ADGRB3: variants seen among roughly 807,000 people sequenced by gnomAD.
ADGRB3 encodes brain-specific angiogenesis inhibitor 3.
ADGRB3 carries 37 observed loss-of-function variants against 193.4 expected under a neutral mutation model. That is an observed-to-expected ratio of 0.19 (90% CI 0.15 to 0.25). The LOEUF (loss-of-function observed/expected upper bound fraction) is 0.25, where lower values mean the gene tolerates loss of function less well. Ranked by LOEUF, ADGRB3 falls within the 10% of genes least tolerant of loss-of-function variation. The probability of loss-of-function intolerance (pLI) is 1.00; values close to 1 mark genes in which losing one functional copy is unlikely to be tolerated. For missense variants in ADGRB3, 1,637 were observed against 1,852.9 expected, an observed-to-expected ratio of 0.88 and a Z score of 2.14; for synonymous variants, 690 against 644.2, an observed-to-expected ratio of 1.07 and a Z score of -1.08.
chr6:68,758,041 T>C (rs566000938), intron 3 of ADGRB3, among the ~76,000 whole-genome samples: 15 of 152,158 alleles, frequency 9.9e-5, no homozygotes, highest in African/African-American at 3.4e-4. Context: ...ATATATCAGC[T>C]AGGAAGCCTT....
chr6:69,311,786 T>G lies in ADGRB3; in HGVS notation c.2815-13086T>G, dbSNP rs528816682. Among the ~76,000 whole-genome samples, 4 of 151,880 alleles carry G rather than the reference T, an allele frequency of 2.6e-5. No individual in the cohort carries two copies. In the East Asian group the frequency reaches 7.8e-4, roughly 30 times the overall value. On this transcript the variant is annotated intron_variant, in intron 20 of 31. Transcript: ENST00000370598. ...TTAGATTTCATTTCCATACGACATC[T>G]CCAAAACTTGATGCAATCAATTGTC...
At chr6:68,883,613 A>G (rs1354332914) in intron 3 of ADGRB3, among the ~76,000 whole-genome samples, 1 of 152,174 alleles carries the variant, frequency 6.6e-6, no homozygotes, top group African/African-American at 2.4e-5. Flanking sequence ...AGGAATGAAC[A>G]ACTCCAGAGG....
intron 17 of ADGRB3, among the ~76,000 whole-genome samples, chr6:69,203,527 G>A (rs1765477730): frequency 6.6e-6 from 1 of 151,454 alleles, no homozygotes; most frequent in Non-Finnish European, 1.5e-5. Context: ...TTGGTAAGAA[G>A]TCATATCATT....
At chr6:69,184,025 T>C (rs951831449) in intron 17 of ADGRB3, among the ~76,000 whole-genome samples, 1 of 152,142 alleles carries the variant, frequency 6.6e-6, no homozygotes, top group Non-Finnish European at 1.5e-5. Flanking sequence ...CATGTTAGGA[T>C]ATGTAAACAA....
chr6:69,234,989 T>C (rs373730434), intron 18 of ADGRB3, 43 bp from the exon 19 acceptor site: 1 of 1,496,486 alleles, frequency 6.7e-7, no homozygotes, highest in Non-Finnish European at 9.3e-7. Context: ...TTTTAATTTA[T>C]TAAAAACCAA....
At chr6:69,223,464 A>G (rs1320148110) in intron 17 of ADGRB3, among the ~76,000 whole-genome samples, 1 of 152,048 alleles carries the variant, frequency 6.6e-6, no homozygotes, top group Non-Finnish European at 1.5e-5. Flanking sequence ...ATGTGCTCAG[A>G]TTTTTAACTT....
chr6:68,923,587 T>C (rs962351382), intron 3 of ADGRB3, among the ~76,000 whole-genome samples: 1 of 152,144 alleles, frequency 6.6e-6, no homozygotes, highest in Admixed American at 6.5e-5. Context: ...TTTTATGGAA[T>C]ATTTTAAGTT....
intron 21 of ADGRB3, among the ~76,000 whole-genome samples, chr6:69,325,257 T>C (rs1768542671): frequency 6.6e-6 from 1 of 151,430 alleles, no homozygotes; most frequent in African/African-American, 2.4e-5. Context: ...GTCTAGATAG[T>C]ATGAAATGAG....
chr6:69,331,967 C>T, intron 23 of ADGRB3: 3 of 985,242 alleles, frequency 3.0e-6, no homozygotes, highest in Non-Finnish European at 3.6e-6. Flanking sequence ...GTATGTTTTG[C>T]ATCTTCCTTA....
chr6:69,342,982 T>A (rs1242005009), intron 26 of ADGRB3, among the ~76,000 whole-genome samples: 1 of 151,830 alleles, frequency 6.6e-6, no homozygotes, highest in Non-Finnish European at 1.5e-5. Flanking sequence ...ACTGTCCCAA[T>A]ATGAATTCAG....
chr6:69,387,799 A>G (rs1264677353), intron 31 of ADGRB3, among the ~76,000 whole-genome samples: 2 of 152,082 alleles, frequency 1.3e-5, no homozygotes, highest in Non-Finnish European at 2.9e-5. Context: ...TAATTCAAGT[A>G]CCTATTTTCT....
intron 3 of ADGRB3, among the ~76,000 whole-genome samples, chr6:68,695,842 A>G (rs1346751633): frequency 6.6e-6 from 1 of 151,828 alleles, no homozygotes; most frequent in South Asian, 2.1e-4. Context: ...GTCATTTTTC[A>G]GTGCTTTTGA....
intron 3 of ADGRB3, among the ~76,000 whole-genome samples, chr6:68,660,800 A>G (rs1472324822): frequency 2.6e-5 from 4 of 151,132 alleles, no homozygotes; most frequent in Non-Finnish European, 5.9e-5. Flanking sequence ...GAGTTTTGCC[A>G]TAAGTTTCTT....
At chr6:69,111,055 T>C (rs1773353507) in intron 17 of ADGRB3, among the ~76,000 whole-genome samples, 1 of 152,240 alleles carries the variant, frequency 6.6e-6, no homozygotes, top group Admixed American at 6.5e-5. Context: ...TTAGTTTTTA[T>C]CAACAAATAG....
chr6:68,840,925 C>T (rs1446702437), intron 3 of ADGRB3, among the ~76,000 whole-genome samples: 2 of 151,956 alleles, frequency 1.3e-5, no homozygotes, highest in African/African-American at 4.8e-5. Flanking sequence ...TTCATGCCAA[C>T]GGAAACCAAA....
intron 17 of ADGRB3, among the ~76,000 whole-genome samples, chr6:69,137,109 A>G (rs559463922): frequency 7.0e-6 from 1 of 142,240 alleles, no homozygotes; most frequent in African/African-American, 2.6e-5. Flanking sequence ...TCAAATGTGA[A>G]ATTAAAATAG....
intron 3 of ADGRB3, among the ~76,000 whole-genome samples, chr6:68,771,724 A>C (rs926414094): frequency 9.9e-5 from 15 of 152,108 alleles, no homozygotes; most frequent in African/African-American, 3.6e-4. Context: ...ATATAGCAGC[A>C]TTAAGGAGAA....
intron 3 of ADGRB3, among the ~76,000 whole-genome samples, chr6:68,708,712 G>T (rs1765364502): frequency 6.6e-6 from 1 of 152,262 alleles, no homozygotes; most frequent in South Asian, 2.1e-4. Context: ...AGCTAATTAA[G>T]AAGAAAATAT....
At chr6:68,876,640 A>G (rs1238328021) in intron 3 of ADGRB3, among the ~76,000 whole-genome samples, 1 of 152,108 alleles carries the variant, frequency 6.6e-6, no homozygotes, top group Non-Finnish European at 1.5e-5. Context: ...GTTAGTCTTT[A>G]TGGTCAATGA....
Sources: allele counts gnomAD v4.1 joint callset (sites outside exome capture counted in the v4.1 genomes callset), GRCh38; gene constraint gnomAD v4.1.1; transcripts MANE v1.5; gene names NCBI Gene and HGNC (gene_info 2026-07-23, HGNC 2026-07-21).